The following MYO3B variants were observed in gnomAD, a reference collection of about 807,000 sequenced individuals.
MYO3B encodes the protein myosin-IIIb.
A neutral mutation model predicts 174.6 loss-of-function variants in MYO3B; 156 were observed. The ratio of observed to expected loss-of-function variants is 0.89; its 90% CI spans 0.78 to 1.02. MYO3B has a LOEUF of 1.02. Ranked by LOEUF, MYO3B falls within the 50% of genes least tolerant of loss-of-function variation. The pLI is 0.00. For synonymous variants in MYO3B, 563 were observed against 569.1 expected (o/e 0.99, Z 0.15); for missense variants, 1,632 against 1,639.4 (o/e 1.00, Z 0.08).
chr2:170,607,984 C>T (rs1347132167), intron 32 of MYO3B, among the ~76,000 whole-genome samples: 2 of 152,148 alleles, frequency 1.3e-5, no homozygotes, highest in Non-Finnish European at 2.9e-5. Context: ...CACTGACTTT[C>T]GATGTTCTGT....
intron 7 of MYO3B, among the ~76,000 whole-genome samples, chr2:170,269,844 C>T (rs1167167582): frequency 1.3e-5 from 2 of 152,178 alleles, no homozygotes; most frequent in Non-Finnish European, 2.9e-5. Flanking sequence ...GAGTCATCTG[C>T]AAGCCTTATT....
intron 7 of MYO3B, among the ~76,000 whole-genome samples, chr2:170,244,255 G>A (rs2093166845): frequency 1.3e-5 from 2 of 152,142 alleles, no homozygotes; most frequent in South Asian, 2.1e-4. Context: ...TTTGTCTGCA[G>A]ATAAAGGGAC....
At chr2:170,500,887 T>A (rs1687221172) in intron 27 of MYO3B, among the ~76,000 whole-genome samples, 1 of 137,404 alleles carries the variant, frequency 7.3e-6, no homozygotes, top group Non-Finnish European at 1.6e-5. Flanking sequence ...GCCTCTTTGT[T>A]TACGTATATG....
chr2:170,187,443 G>A (rs2092480127), intron 1 of MYO3B, among the ~76,000 whole-genome samples: 1 of 152,092 alleles, frequency 6.6e-6, no homozygotes. Flanking sequence ...TGTTGGCCAG[G>A]CTGGTCTCAA....
chr2:170,439,383 T>A (rs1484949174), intron 22 of MYO3B, among the ~76,000 whole-genome samples: 1 of 146,218 alleles, frequency 6.8e-6, no homozygotes, highest in Non-Finnish European at 1.5e-5. Flanking sequence ...AAAATAATAA[T>A]AATAATAATA....
intron 22 of MYO3B, among the ~76,000 whole-genome samples, chr2:170,435,300 A>G (rs750129064): frequency 8.5e-5 from 13 of 152,228 alleles, no homozygotes; most frequent in Non-Finnish European, 1.6e-4. Context: ...ATAGTGCAGC[A>G]GTCCAGGGCT....
At chr2:170,461,168 A>T (rs1290138863) in intron 23 of MYO3B, among the ~76,000 whole-genome samples, 1 of 152,128 alleles carries the variant, frequency 6.6e-6, no homozygotes, top group Non-Finnish European at 1.5e-5. Context: ...TTCAGGGAGG[A>T]TCTCTTAACA....
At chr2:170,399,024 T>C (rs1326520710) in intron 16 of MYO3B, among the ~76,000 whole-genome samples, 1 of 151,946 alleles carries the variant, frequency 6.6e-6, no homozygotes, top group Non-Finnish European at 1.5e-5. Context: ...GGTGGGCAGA[T>C]CACCTGAGGT....
Position 170,242,567 on chromosome 2 carries a change from C to A in MYO3B, c.749+6431C>A, listed in dbSNP as rs970672599. On this transcript the variant is annotated intron_variant, in intron 7 of 34. Coordinates refer to ENST00000408978, the MANE Select transcript of MYO3B (RefSeq NM_138995.5). ...TGTAGGTACTGCTTGCTGCCCCCTGCCTGAGTCCTGGCAGGCAGGGAGAAT... is the reference window on the plus strand; with the variant it reads ...TGTAGGTACTGCTTGCTGCCCCCTGACTGAGTCCTGGCAGGCAGGGAGAAT... Among the ~76,000 whole-genome samples the A allele has an allele frequency of 3.2e-4, 49 of 152,266 alleles. 1 individual carries two copies. Among genetic ancestry groups the A allele is most frequent in the Non-Finnish European group, 1.6e-4 (11 of 68,022 alleles).
intron 18 of MYO3B, among the ~76,000 whole-genome samples, chr2:170,402,592 C>T (rs2094484623): frequency 6.6e-6 from 1 of 151,436 alleles, no homozygotes; most frequent in African/African-American, 2.4e-5. Flanking sequence ...TTATTTTATA[C>T]ATGGAGTTTC....
chr2:170,540,391 T>C (rs1044846654), intron 30 of MYO3B, among the ~76,000 whole-genome samples: 7 of 152,160 alleles, frequency 4.6e-5, no homozygotes. Context: ...TGCCTGGTGG[T>C]ATGTATCCAT....
intron 8 of MYO3B, among the ~76,000 whole-genome samples, chr2:170,366,115 C>T (rs1158046362): frequency 1.3e-5 from 2 of 152,098 alleles, no homozygotes; most frequent in Non-Finnish European, 2.9e-5. Flanking sequence ...ACTGCATCAT[C>T]CCTGTATGTA....
At chr2:170,274,633 T>C (rs991970880) in intron 7 of MYO3B, among the ~76,000 whole-genome samples, 1 of 152,172 alleles carries the variant, frequency 6.6e-6, no homozygotes, top group Non-Finnish European at 1.5e-5. Flanking sequence ...TACAGAGGCA[T>C]GAAGCTACTA....
intron 32 of MYO3B, among the ~76,000 whole-genome samples, chr2:170,617,841 A>T (rs915588525): frequency 1.3e-5 from 2 of 152,232 alleles, no homozygotes; most frequent in Non-Finnish European, 2.9e-5. Flanking sequence ...TAGTGAGAAG[A>T]ATTAAATAAC....
In MYO3B at chr2:170,453,458, G is replaced by A. The variant is rs989448009; in HGVS notation, c.2730+9412G>A. On this transcript the variant is annotated intron_variant, in intron 23 of 34. Transcript: ENST00000408978. Reference sequence around the variant, plus strand: ...CACACACACACACACACACACGAGAGAGAGAGAGAGAAAGAGAGAGCGACC... The same window carrying A: ...CACACACACACACACACACACGAGAAAGAGAGAGAGAAAGAGAGAGCGACC... Among the ~76,000 whole-genome samples the A allele has an allele frequency of 4.0e-5, 5 of 124,240 alleles. No individual in the cohort carries two copies. In the East Asian group the frequency reaches 1.1e-3, roughly 29 times the overall value. 81.5% of individuals were successfully genotyped at this position (124,240 alleles called of 152,430 possible).
intron 32 of MYO3B, among the ~76,000 whole-genome samples, chr2:170,616,686 A>T (rs1695486896): frequency 6.6e-6 from 1 of 152,200 alleles, no homozygotes; most frequent in Admixed American, 6.5e-5. Context: ...TTATACACAG[A>T]ACAAAATTAA....
At chr2:170,303,060 G>C (rs1319988309) in intron 7 of MYO3B, among the ~76,000 whole-genome samples, 1 of 151,908 alleles carries the variant, frequency 6.6e-6, no homozygotes, top group African/African-American at 2.4e-5. Context: ...TTTTTTTCTA[G>C]TCACTTAACA....
Position 170,369,281 on chromosome 2 carries a change from T to C in MYO3B, c.875T>C (p.Phe292Ser), listed in dbSNP as rs2094221975. Residue 292 changes from phenylalanine to serine, a missense_variant, in exon 9 of 35, where the codon TTT becomes TCT. Phe to Ser is a radical substitution (Grantham distance 155). Coordinates refer to ENST00000408978, the MANE Select transcript of MYO3B (RefSeq NM_138995.5). ...GTCACACATCTCCTTGACCACCCAT[T>C]TATTAAAGGAGTACATGGAAAAGTT... is the stretch of plus-strand genomic sequence containing the variant. ...PSVTHLLDHP[F>S]IKGVHGKVLF... 6.2e-7 allele frequency: 1 copy of C among 1,613,702 alleles called. No individual in the cohort carries two copies. Among genetic ancestry groups the C allele is most frequent in the Admixed American group, 1.7e-5 (1 of 59,984 alleles).
intron 22 of MYO3B, among the ~76,000 whole-genome samples, chr2:170,416,522 C>CAAAA: frequency 1.7e-5 from 1 of 60,132 alleles, no homozygotes; most frequent in Non-Finnish European, 3.4e-5. Context: ...GACTCCGTCT[C>CAAAA]AAAAAAAAAA....
Sources: gnomAD v4.1 joint callset for allele counts (sites outside exome capture counted in the v4.1 genomes callset) on GRCh38, gnomAD v4.1.1 for gene constraint, MANE v1.5 for transcripts, NCBI Gene and HGNC (gene_info 2026-07-23, HGNC 2026-07-21) for gene names.